Variants in ASCC3 observed in about 807,000 individuals in gnomAD.
ASCC3 encodes activating signal cointegrator 1 complex subunit 3, also known as ASC-1 complex subunit P200.
A neutral mutation model predicts 256.3 loss-of-function variants in ASCC3; 158 were observed. That is an observed-to-expected ratio of 0.62 (90% CI 0.54 to 0.70). The LOEUF is 0.70. Ranked by LOEUF, ASCC3 falls within the 30% of genes least tolerant of loss-of-function variation. The pLI is 0.00. For synonymous variants in ASCC3, 948 were observed against 883.4 expected, an observed-to-expected ratio of 1.07 and a Z score of -1.30; for missense variants, 2,259 against 2,626.0, an observed-to-expected ratio of 0.86 and a Z score of 3.05.
intron 32 of ASCC3, among the ~76,000 whole-genome samples, chr6:100,606,382 A>C (rs1772888738): frequency 6.6e-6 from 1 of 152,136 alleles, no homozygotes; most frequent in African/African-American, 2.4e-5. Flanking sequence ...CTAGTGAAAC[A>C]CATTTAAAAT....
intron 36 of ASCC3, among the ~76,000 whole-genome samples, chr6:100,580,854 T>TA (rs1467385127): frequency 6.6e-6 from 1 of 151,492 alleles, no homozygotes; most frequent in African/African-American, 2.4e-5. Flanking sequence ...GGTCTTGCGA[T>TA]AGTTTACTGA....
intron 37 of ASCC3, among the ~76,000 whole-genome samples, chr6:100,524,484 G>C (rs187894903): frequency 4.6e-5 from 7 of 152,216 alleles, no homozygotes; most frequent in Admixed American, 4.6e-4. Context: ...TGAGCACTGT[G>C]ATAAAATTAT....
At chr6:100,762,134 C>T (rs1267958494) in intron 10 of ASCC3, among the ~76,000 whole-genome samples, 1 of 152,134 alleles carries the variant, frequency 6.6e-6, no homozygotes, top group Non-Finnish European at 1.5e-5. Context: ...ATTGCTTGGG[C>T]CTAAGAGATC....
chr6:100,858,768 C>A, intron 3 of ASCC3: 1 of 889,678 alleles, frequency 1.1e-6, no homozygotes, highest in Non-Finnish European at 1.4e-6. Flanking sequence ...TATCCTCTTA[C>A]ATAGCCACAA....
At chr6:100,534,718 C>T (rs146122887) in intron 37 of ASCC3, among the ~76,000 whole-genome samples, 22 of 152,084 alleles carry the variant, frequency 1.4e-4, no homozygotes, top group Non-Finnish European at 2.8e-4. Flanking sequence ...TATCTCAAAC[C>T]AAAAAATGAC....
intron 4 of ASCC3, among the ~76,000 whole-genome samples, chr6:100,814,647 A>C (rs941333560): frequency 6.6e-6 from 1 of 152,108 alleles, no homozygotes; most frequent in African/African-American, 2.4e-5. Context: ...TAGGGAATCA[A>C]TGTCTTCCTG....
chr6:100,624,383 T>C (rs974302181), intron 30 of ASCC3, among the ~76,000 whole-genome samples: 35 of 150,712 alleles, frequency 2.3e-4, no homozygotes, highest in Admixed American at 2.3e-3. Context: ...CTAGTAAATA[T>C]ATGAAAAAAA....
chr6:100,692,099 A>T (rs2114985804), intron 13 of ASCC3, among the ~76,000 whole-genome samples: 1 of 152,226 alleles, frequency 6.6e-6, no homozygotes, highest in African/African-American at 2.4e-5. Flanking sequence ...ATTCATTGGG[A>T]CCAAGACCAA....
At chr6:100,668,140 A>C (rs1202832109) in intron 14 of ASCC3, among the ~76,000 whole-genome samples, 5 of 152,076 alleles carry the variant, frequency 3.3e-5, no homozygotes, top group Non-Finnish European at 7.4e-5. Context: ...AGGAGGGCTG[A>C]ATGAATAGTT....
chr6:100,824,452 T>C (rs527402348), intron 4 of ASCC3, among the ~76,000 whole-genome samples: 21 of 152,228 alleles, frequency 1.4e-4, no homozygotes, highest in African/African-American at 3.4e-4. Flanking sequence ...TTCTGAAAAA[T>C]AGCTGATGAT....
chr6:100,606,878 ATATCT>A lies in ASCC3; in HGVS notation c.4924-23_4924-19del. On this transcript the variant is annotated intron_variant, in intron 31 of 41. Transcript: ENST00000369162. ...ATAAGAACCTAAAAAGCAAAATAAA[ATATCT>A]TATATCTAAGTAAAATATAACTTTT... 1 of 1,606,980 alleles carries A rather than the reference ATATCT, an allele frequency of 6.2e-7. No homozygotes were observed. Among genetic ancestry groups the A allele is most frequent in the Non-Finnish European group, 8.5e-7 (1 of 1,176,256 alleles).
intron 38 of ASCC3, 85 bp from the exon 39 acceptor site, chr6:100,516,412 C>T: frequency 6.7e-7 from 1 of 1,501,372 alleles, no homozygotes; most frequent in Admixed American, 1.9e-5. Context: ...ATAATTATAG[C>T]TTTTTTTGTT....
intron 37 of ASCC3, chr6:100,531,187 G>A (rs1774854243): frequency 1.6e-6 from 1 of 629,098 alleles, no homozygotes; most frequent in East Asian, 2.8e-5. Flanking sequence ...AAACTTTAAG[G>A]ATACATCTTG....
intron 1 of ASCC3, among the ~76,000 whole-genome samples, chr6:100,871,652 G>A (rs535654878): frequency 6.6e-6 from 1 of 152,224 alleles, no homozygotes; most frequent in African/African-American, 2.4e-5. Flanking sequence ...TGTAGTCCCA[G>A]CTACTCAGGA....
intron 36 of ASCC3, among the ~76,000 whole-genome samples, chr6:100,580,006 C>G (rs1335238862): frequency 6.6e-6 from 1 of 152,046 alleles, no homozygotes; most frequent in Non-Finnish European, 1.5e-5. Context: ...TTTTTTTGAG[C>G]AGTGTTTTAC....
At position 100,785,127 on chromosome 6, in the gene ASCC3, A is replaced by G. The variant is rs1019333344; in HGVS notation, c.1395+13586T>C. On this transcript the variant is annotated intron_variant, in intron 8 of 41. Coordinates refer to ENST00000369162, the MANE Select transcript of ASCC3 (RefSeq NM_006828.4). Reference sequence around the variant, plus strand: ...TTTTAATGCTTTACGATAAAAATATATTTTGAATCAGATGATCTGAGTAGA... The same window carrying G: ...TTTTAATGCTTTACGATAAAAATATGTTTTGAATCAGATGATCTGAGTAGA... Among the ~76,000 whole-genome samples, 4 of 152,228 alleles carry G rather than the reference A, an allele frequency of 2.6e-5. No individual in the cohort carries two copies. The East Asian group carries it at 7.7e-4, about 29-fold the overall frequency.
chr6:100,590,249 T>C (rs1771934011), intron 34 of ASCC3, among the ~76,000 whole-genome samples, 190 bp from the exon 35 acceptor site: 1 of 152,114 alleles, frequency 6.6e-6, no homozygotes, highest in Admixed American at 6.6e-5. Flanking sequence ...TTCAGTCAAT[T>C]ATTGTTCCCC....
rs1427303347 is a variant in ASCC3, at chr6:100,767,360, C to T, written c.1396-15G>A. The T allele has an allele frequency of 5.6e-6, 9 of 1,604,940 alleles. No homozygotes were observed. The highest frequency in any genetic ancestry group is 7.7e-6 in the Non-Finnish European group (9 of 1,173,180). ...AGCTGTCCGATCTAAAAAAAAAAGGCATCACCCATTATAAATAGTAACAAT... is the reference window on the plus strand; with the variant it reads ...AGCTGTCCGATCTAAAAAAAAAAGGTATCACCCATTATAAATAGTAACAAT... On this transcript the variant is annotated splice_polypyrimidine_tract_variant and intron_variant, in intron 8 of 41. Coordinates refer to ENST00000369162, the MANE Select transcript of ASCC3 (RefSeq NM_006828.4).
chr6:100,875,178 G>A (rs1773938792), intron 1 of ASCC3, among the ~76,000 whole-genome samples: 1 of 152,044 alleles, frequency 6.6e-6, no homozygotes, highest in South Asian at 2.1e-4. Flanking sequence ...AATTAAGCCA[G>A]GGAAACACAT....
Sources: allele counts gnomAD v4.1 joint callset (sites outside exome capture counted in the v4.1 genomes callset), GRCh38; gene constraint gnomAD v4.1.1; transcripts MANE v1.5; gene names NCBI Gene and HGNC (gene_info 2026-07-23, HGNC 2026-07-21).